Variants in SDHA observed in about 807,000 individuals in gnomAD.
The protein encoded by SDHA is succinate dehydrogenase complex flavoprotein subunit A.
Under a neutral mutation model 78.4 loss-of-function variants are expected in SDHA, and 48 were observed. The ratio of observed to expected loss-of-function variants is 0.61; its 90% confidence interval spans 0.49 to 0.78. SDHA has a LOEUF of 0.78. Ranked by LOEUF, SDHA falls within the 30% of genes least tolerant of loss-of-function variation. SDHA has a pLI of 0.00. For missense variants in SDHA, 680 were observed against 892.7 expected (o/e 0.76, Z 3.04); for synonymous variants, 326 against 353.9 (o/e 0.92, Z 0.88).
In SDHA at chr5:235,294, C is replaced by T. The variant is rs762888704; in HGVS notation, c.1215C>T (p.Thr405=). 36 of 1,614,050 alleles carry T rather than the reference C, an allele frequency of 2.2e-5. No homozygotes were observed. The highest frequency in any genetic ancestry group is 1.6e-4 in the African/African-American group (12 of 74,912). ...VTKEPIPVLP[T]VHYNMGGIPT... ...AGGAGCCGATCCCTGTCCTCCCCAC[C>T]GTGCATTATAACATGGGCGGCATTC... Residue 405 remains threonine (T), a synonymous_variant, in exon 9 of 15, where the codon ACC becomes ACT. Transcript: ENST00000264932.
chr5:227,901 C>T (rs977009685), intron 5 of SDHA: 51 of 422,754 alleles, frequency 1.2e-4, no homozygotes, highest in Non-Finnish European at 2.0e-4. Context: ...ATGCGGCCAC[C>T]GGACAGTGTG....
chr5:235,269 A>G lies in SDHA; in HGVS notation c.1190A>G (p.Lys397Arg), dbSNP rs745798689. ...AMIFAGVDVT[K>R]EPIPVLPTVH... ...ATCTTCGCTGGCGTGGACGTCACGA[A>G]GGAGCCGATCCCTGTCCTCCCCACC... is the stretch of plus-strand genomic sequence containing the variant. The change falls in exon 9 of 15, where the codon AAG becomes AGG. Residue 397 changes from lysine to arginine, a missense_variant. By Grantham distance (26) the Lys-to-Arg change is conservative. Coordinates refer to ENST00000264932, the MANE Select transcript of SDHA (RefSeq NM_004168.4). The G allele has an allele frequency of 1.2e-6, 2 of 1,614,136 alleles. No homozygotes were observed. Among genetic ancestry groups the G allele is most frequent in the East Asian group, 4.5e-5 (2 of 44,880 alleles).
chr5:230,783 G>C lies in SDHA; in HGVS notation c.771-93G>C. The C allele has an allele frequency of 6.4e-6, 10 of 1,557,594 alleles. 1 individual carries two copies. In the South Asian group the frequency reaches 1.1e-4, roughly 17 times the overall value. On this transcript the variant is annotated intron_variant, in intron 6 of 14. Coordinates refer to ENST00000264932, the MANE Select transcript of SDHA (RefSeq NM_004168.4). ...GTGTGCACAGCACTGAGAAGACGGT[G>C]CTGGGGGCTGCCGTGTCCATTCTGT... is the stretch of plus-strand genomic sequence containing the variant.
Position 256,553 on chromosome 5 carries a change from G to A in SDHA, c.*133G>A, listed in dbSNP as rs193112615. The A allele has an allele frequency of 2.5e-6, 2 of 801,328 alleles. No individual in the cohort carries two copies. Among genetic ancestry groups the A allele is most frequent in the African/African-American group, 3.4e-5 (2 of 58,380 alleles). 49.6% of individuals were successfully genotyped at this position (801,328 alleles called of 1,614,324 possible). ...GAAGGAGTACATTGAAGGGAGATTG[G>A]CACCTAGTGGCTGGGAGCTTGCCAG... On this transcript the variant is annotated 3_prime_UTR_variant, in exon 15 of 15. Transcript: ENST00000264932.
intron 7 of SDHA, among the ~76,000 whole-genome samples, chr5:232,612 CTT>C (rs1735481065): frequency 1.3e-5 from 2 of 152,174 alleles, no homozygotes; most frequent in South Asian, 4.1e-4. Flanking sequence ...ACTGCTCATG[CTT>C]TGTCTTCAGT....
At chr5:219,604 G>A (rs1217455044) in intron 1 of SDHA, among the ~76,000 whole-genome samples, 1 of 152,188 alleles carries the variant, frequency 6.6e-6, no homozygotes, top group East Asian at 1.9e-4. Flanking sequence ...AACCGTTCTA[G>A]TGTGTTGCTG....
intron 8 of SDHA, chr5:234,878 C>T: frequency 1.9e-6 from 1 of 523,776 alleles, no homozygotes; most frequent in East Asian, 3.5e-5. Flanking sequence ...AGGACACCTG[C>T]AGCAGGCTGT....
Position 225,693 on chromosome 5 carries a change from G to C in SDHA, c.456+131G>C, listed in dbSNP as rs1734976101. On this transcript the variant is annotated intron_variant, in intron 4 of 14. Transcript: ENST00000264932. Reference sequence around the variant, plus strand: ...GTGATGAGCAAAGTTCACAAGAAGAGTCTTTTTCCGTTATGAACTATGCAT... The same window carrying C: ...GTGATGAGCAAAGTTCACAAGAAGACTCTTTTTCCGTTATGAACTATGCAT... 2.5e-5 allele frequency: 35 copies of C among 1,402,742 alleles called. 1 individual carries two copies. The South Asian group carries it at 4.1e-4, about 16-fold the overall frequency. The allele number at this position is 1,402,742 out of a possible 1,614,324, so 86.9% of individuals were successfully genotyped here. A position where few individuals can be genotyped will look rare whatever the true frequency, so the allele number is the denominator to read the frequency against.
At chr5:265,595 G>C in the SDHA span, among the ~76,000 whole-genome samples, 1 of 152,158 alleles carries the variant, frequency 6.6e-6, no homozygotes, top group Admixed American at 6.5e-5. Flanking sequence ...GCAAATAAGT[G>C]AGTAAAGAAT....
chr5:222,559 T>G (rs1460867480), intron 1 of SDHA, among the ~76,000 whole-genome samples: 5 of 152,050 alleles, frequency 3.3e-5, no homozygotes, highest in African/African-American at 4.8e-5. Flanking sequence ...AGACTGGTCT[T>G]GAACTCCTGA....
intron 11 of SDHA, chr5:249,831 A>G (rs1736703545): frequency 6.6e-6 from 1 of 152,230 alleles, no homozygotes; most frequent in Non-Finnish European, 1.5e-5. Context: ...AATTGTCATT[A>G]TTTACAGATA....
At chr5:251,548 C>G (rs758999827) in intron 13 of SDHA, 80 bp downstream of exon 13, 50 of 1,606,430 alleles carry the variant, frequency 3.1e-5, no homozygotes, top group Admixed American at 2.9e-4. Context: ...TGCATTTTCT[C>G]TGCATTTTCT....
At chr5:240,850 T>C (rs1455987050) in intron 11 of SDHA, among the ~76,000 whole-genome samples, 1 of 152,172 alleles carries the variant, frequency 6.6e-6, no homozygotes, top group Non-Finnish European at 1.5e-5. Context: ...GAAGACATGA[T>C]TGCGTTCTTT....
At position 218,369 on chromosome 5, in the gene SDHA, G is replaced by A. The variant is rs779027774; in HGVS notation, c.14G>A (p.Arg5Gln). The A allele has an allele frequency of 1.4e-6, 2 of 1,456,368 alleles. No homozygotes were observed. Among genetic ancestry groups the A allele is most frequent in the Non-Finnish European group, 1.8e-6 (2 of 1,112,960 alleles). 90.2% of individuals were successfully genotyped at this position (1,456,368 alleles called of 1,614,324 possible). Residue 5 changes from arginine (R) to glutamine (Q), a missense_variant, in exon 1 of 15, where the codon CGG becomes CAG. Arg to Gln is a conservative substitution (Grantham distance 43, BLOSUM62 1). Coordinates refer to ENST00000264932, the MANE Select transcript of SDHA (RefSeq NM_004168.4). MSGV[R>Q]GLSRLLSARR... is the part of the protein sequence containing the mutation. ...GCAACAGCAGACATGTCGGGGGTCCGGGGCCTGTCGCGGCTGCTGAGCGCT... is the reference window on the plus strand; with the variant it reads ...GCAACAGCAGACATGTCGGGGGTCCAGGGCCTGTCGCGGCTGCTGAGCGCT...
At chr5:237,048 A>G (rs1166494166) in intron 10 of SDHA, among the ~76,000 whole-genome samples, 23 of 139,388 alleles carry the variant, frequency 1.7e-4, no homozygotes, top group Non-Finnish European at 2.5e-4. Flanking sequence ...AGAAATCCAG[A>G]AATTATATGG....
the SDHA span, among the ~76,000 whole-genome samples, chr5:264,585 G>A: frequency 2.6e-5 from 4 of 152,184 alleles, no homozygotes; most frequent in East Asian, 3.9e-4. Flanking sequence ...GCAGCATCCC[G>A]GGTGCTGGTG....
chr5:226,700 G>A (rs1232698896), intron 5 of SDHA, among the ~76,000 whole-genome samples: 3 of 151,692 alleles, frequency 2.0e-5, no homozygotes, highest in Non-Finnish European at 4.4e-5. Context: ...AGGCCTAGGC[G>A]GGCAGATCAC....
intron 7 of SDHA, among the ~76,000 whole-genome samples, chr5:232,055 G>A (rs1490306811): frequency 6.6e-6 from 1 of 152,150 alleles, no homozygotes; most frequent in Non-Finnish European, 1.5e-5. Flanking sequence ...GAGGTGACTT[G>A]TCCTATACTT....
chr5:233,945 G>C (rs975848532), intron 8 of SDHA: 7 of 406,506 alleles, frequency 1.7e-5, no homozygotes, highest in African/African-American at 1.4e-4. Flanking sequence ...TGTGAGCCTT[G>C]GGTGTTGTGT....
Sources: allele counts gnomAD v4.1 joint callset (sites outside exome capture counted in the v4.1 genomes callset), GRCh38; gene constraint gnomAD v4.1.1; transcripts MANE v1.5; gene names NCBI Gene and HGNC (gene_info 2026-07-23, HGNC 2026-07-21).